The following VEZT variants were observed in gnomAD, a reference collection of about 807,000 sequenced individuals.
VEZT encodes vezatin, adherens junctions transmembrane protein, also known as vezatin.
VEZT carries 39 observed loss-of-function variants against 79.9 expected under a neutral mutation model. The observed-to-expected ratio is 0.49, with a 90% CI of 0.38 to 0.64. The LOEUF is 0.64. VEZT is among the 30% of genes least tolerant of loss of function. VEZT has a pLI of 0.00. For missense variants in VEZT, 837 were observed against 893.1 expected, an observed-to-expected ratio of 0.94 and a Z score of 0.80; for synonymous variants, 325 against 327.6, an observed-to-expected ratio of 0.99 and a Z score of 0.09.
intron 1 of VEZT, chr12:95,245,539 T>C (rs1311905044): frequency 8.8e-6 from 4 of 456,632 alleles, no homozygotes; most frequent in South Asian, 1.5e-5. Context: ...TTGCCTGACA[T>C]GGAAGATGTT....
At chr12:95,256,082 G>A (rs190903460) in intron 2 of VEZT, among the ~76,000 whole-genome samples, 3 of 150,940 alleles carry the variant, frequency 2.0e-5, no homozygotes, top group African/African-American at 7.3e-5. Context: ...ATGCAGTTTC[G>A]CTCTTGTCAC....
chr12:95,252,276 T>C, intron 2 of VEZT: 1 of 431,272 alleles, frequency 2.3e-6, no homozygotes. Context: ...AGTGAGGAAA[T>C]AATTTGGTAG....
At position 95,300,165 on chromosome 12, in the gene VEZT, C is replaced by T; in HGVS notation, c.1832C>T (p.Ala611Val). The change falls in exon 12 of 12, where the codon GCC becomes GTC. Residue 611 changes from alanine (A) to valine (V), a missense_variant and splice_region_variant. Physicochemically the swap from Ala to Val is moderately conservative, Grantham distance 64 (BLOSUM62 0). Transcript: ENST00000436874. ...KWKQLLFSDH[A>V]VLKSLSPVDP... ...CTTTTTTCTTTTTTTTTATTTGAAGCCGTGTTGAAATCCTTGTCTCCTGTA... is the reference window on the plus strand; with the variant it reads ...CTTTTTTCTTTTTTTTTATTTGAAGTCGTGTTGAAATCCTTGTCTCCTGTA... The T allele has an allele frequency of 7.2e-7, 1 of 1,388,184 alleles. No individual in the cohort carries two copies. Among genetic ancestry groups the T allele is most frequent in the Non-Finnish European group, 9.4e-7 (1 of 1,063,600 alleles). 86.0% of individuals were successfully genotyped at this position (1,388,184 alleles called of 1,614,324 possible). A position where few individuals can be genotyped will look rare whatever the true frequency, so the allele number is the denominator to read the frequency against.
In VEZT at chr12:95,282,660, A is replaced by G; in HGVS notation, c.1328+16A>G. The G allele has an allele frequency of 6.4e-7, 1 of 1,566,942 alleles. No homozygotes were observed. Among genetic ancestry groups the G allele is most frequent in the Non-Finnish European group, 8.7e-7 (1 of 1,153,542 alleles). ...TACTGAATGAGTAAGTTTAGAAATT[A>G]TACCAAGAAAGGTCTCGGTAATTAG... On this transcript the variant is annotated intron_variant, in intron 8 of 11. Transcript: ENST00000436874.
At chr12:95,285,158 T>C (rs1362860831) in intron 8 of VEZT, among the ~76,000 whole-genome samples, 2 of 150,718 alleles carry the variant, frequency 1.3e-5, no homozygotes, top group Admixed American at 6.6e-5. Context: ...TAGAACAAGC[T>C]TCCGGCCAGG....
intron 5 of VEZT, among the ~76,000 whole-genome samples, 156 bp downstream of exon 5, chr12:95,266,788 G>T (rs1034261807): frequency 3.3e-5 from 5 of 152,232 alleles, no homozygotes; most frequent in Middle Eastern, 3.4e-3. Flanking sequence ...CTAAGTGAAG[G>T]AATAAATACA....
chr12:95,283,502 A>C (rs1219006308), intron 8 of VEZT, among the ~76,000 whole-genome samples: 1 of 152,218 alleles, frequency 6.6e-6, no homozygotes, highest in Non-Finnish European at 1.5e-5. Context: ...ATACAAGGCA[A>C]GAAGTGGAAT....
intron 2 of VEZT, among the ~76,000 whole-genome samples, chr12:95,252,991 A>G (rs2062861488): frequency 1.3e-5 from 2 of 152,062 alleles, no homozygotes; most frequent in Non-Finnish European, 2.9e-5. Flanking sequence ...AATTTACTCT[A>G]TTTTTAGATG....
intron 1 of VEZT, among the ~76,000 whole-genome samples, chr12:95,242,982 C>G (rs1403768478): frequency 1.3e-5 from 2 of 151,894 alleles, no homozygotes; most frequent in Non-Finnish European, 2.9e-5. Context: ...TTTTCTTAAG[C>G]CTTTTATACC....
chr12:95,282,187 C>G, intron 7 of VEZT, 126 bp from the exon 8 acceptor site: 1 of 819,010 alleles, frequency 1.2e-6, no homozygotes, highest in Non-Finnish European at 1.8e-6. Context: ...TTAAGTTCGG[C>G]TATATTTATT....
chr12:95,249,743 GT>G (rs1209147023), intron 1 of VEZT, among the ~76,000 whole-genome samples: 1 of 152,038 alleles, frequency 6.6e-6, no homozygotes. Context: ...TCCTGACATT[GT>G]TAACTTGCTT....
chr12:95,245,286 G>C (rs917311494), intron 1 of VEZT, among the ~76,000 whole-genome samples: 1 of 152,064 alleles, frequency 6.6e-6, no homozygotes, highest in East Asian at 1.9e-4. Flanking sequence ...AGTGTCGTGA[G>C]TTTTGTTTTA....
chr12:95,285,785 T>A (rs1291416385), intron 8 of VEZT, among the ~76,000 whole-genome samples: 1 of 152,120 alleles, frequency 6.6e-6, no homozygotes, highest in Non-Finnish European at 1.5e-5. Context: ...CTTTTTCTTT[T>A]CTGATAAAGA....
intron 3 of VEZT, among the ~76,000 whole-genome samples, chr12:95,257,763 CAGA>C (rs1274204003): frequency 6.6e-6 from 1 of 152,114 alleles, no homozygotes; most frequent in East Asian, 1.9e-4. Context: ...TCATGGCTCC[CAGA>C]AGGAGTAATG....
chr12:95,249,334 A>G (rs2062158596), intron 1 of VEZT, among the ~76,000 whole-genome samples: 1 of 152,178 alleles, frequency 6.6e-6, no homozygotes, highest in Non-Finnish European at 1.5e-5. Context: ...CGGCCCAAAC[A>G]AATGAACTGG....
At chr12:95,283,305 T>G (rs1184913149) in intron 8 of VEZT, among the ~76,000 whole-genome samples, 3 of 152,222 alleles carry the variant, frequency 2.0e-5, no homozygotes. Flanking sequence ...GTTTTCAAGT[T>G]TAAAAATTGA....
intron 2 of VEZT, among the ~76,000 whole-genome samples, chr12:95,256,398 C>T (rs573710455): frequency 5.7e-4 from 87 of 152,300 alleles, no homozygotes; most frequent in African/African-American, 2.0e-3. Context: ...TAGGACTGAA[C>T]TCCAGTGTTA....
rs532580158 is a variant in VEZT, at chr12:95,219,943, T to C, written c.36+2057T>C. 5.2e-5 allele frequency among the ~76,000 whole-genome samples: 8 copies of C among 152,384 alleles called. No homozygotes were observed. The East Asian group carries it at 1.5e-3, about 29-fold the overall frequency. ...ATTTGTTGCTCATTTTCTTATTAGA[T>C]GCTAGCTTTAAAAAAATTGACTTGC... On this transcript the variant is annotated intron_variant, in intron 1 of 11. Coordinates refer to ENST00000436874, the MANE Select transcript of VEZT (RefSeq NM_017599.4).
In VEZT at chr12:95,282,488, A is replaced by C; in HGVS notation, c.1172A>C (p.Glu391Ala). The change falls in exon 8 of 12, where the codon GAG becomes GCG. Residue 391 changes from glutamate (E) to alanine (A), a missense_variant. Physicochemically the swap from Glu to Ala is moderately radical, Grantham distance 107. Transcript: ENST00000436874. Reference protein sequence around the residue: ...LPHAHSACLEELKRSYEFYRY... With the variant: ...LPHAHSACLEALKRSYEFYRY... ...CATGCTCATTCTGCCTGTTTGGAAG[A>C]GCTTAAGCGCAGCTATGAGTTCTAT... The C allele has an allele frequency of 6.2e-7, 1 of 1,613,976 alleles. No individual in the cohort carries two copies. The highest frequency in any genetic ancestry group is 8.5e-7 in the Non-Finnish European group (1 of 1,179,880).
Sources: gnomAD v4.1 joint callset for allele counts (sites outside exome capture counted in the v4.1 genomes callset) on GRCh38, gnomAD v4.1.1 for gene constraint, MANE v1.5 for transcripts, NCBI Gene and HGNC (gene_info 2026-07-23, HGNC 2026-07-21) for gene names.